Variants in NCKAP5 observed in about 807,000 individuals in gnomAD.
NCKAP5 encodes nck-associated protein 5.
Under a neutral mutation model 167.0 loss-of-function variants are expected in NCKAP5, and 92 were observed. The ratio of observed to expected loss-of-function variants is 0.55; its 90% CI spans 0.47 to 0.66. The LOEUF is 0.66. Among genes scored for constraint, NCKAP5 ranks in the 30% least tolerant of loss-of-function variants. The probability of loss-of-function intolerance (pLI) is 0.00; values close to 1 mark genes in which losing one functional copy is unlikely to be tolerated. For missense variants in NCKAP5, 2,378 were observed against 2,315.0 expected (o/e 1.03, Z -0.56); for synonymous variants, 891 against 877.4 (o/e 1.02, Z -0.27).
At chr2:133,477,584 T>C (rs1263328544) in intron 3 of NCKAP5, among the ~76,000 whole-genome samples, 1 of 152,208 alleles carries the variant, frequency 6.6e-6, no homozygotes. Flanking sequence ...ACACCCATGA[T>C]AGAGTTTAAT....
chr2:133,634,832 A>G, the NCKAP5 span, among the ~76,000 whole-genome samples: 3 of 151,708 alleles, frequency 2.0e-5, no homozygotes, highest in Non-Finnish European at 4.4e-5. Context: ...TGAAATTTGA[A>G]TTTGCTGGAT....
At position 133,455,313 on chromosome 2, in the gene NCKAP5, C is replaced by T. The variant is rs535676373; in HGVS notation, c.69+62145G>A. Among the ~76,000 whole-genome samples the T allele has an allele frequency of 2.4e-3, 368 of 152,156 alleles. 4 individuals carry two copies. The highest frequency in any genetic ancestry group is 8.7e-3 in the African/African-American group (363 of 41,546). ...AGTTTAAGGTCAGCTATTTGGTATGCCTTTATGAATAATAAAATTATGGCT... is the reference window on the plus strand; with the variant it reads ...AGTTTAAGGTCAGCTATTTGGTATGTCTTTATGAATAATAAAATTATGGCT... On this transcript the variant is annotated intron_variant, in intron 3 of 19. Transcript: ENST00000409261.
chr2:132,790,523 A>G (rs1683980557), intron 12 of NCKAP5, among the ~76,000 whole-genome samples: 1 of 152,210 alleles, frequency 6.6e-6, no homozygotes. Context: ...AATGAACATC[A>G]GAATGGTTGT....
chr2:132,734,947 G>C (rs1691366087), intron 16 of NCKAP5, among the ~76,000 whole-genome samples: 1 of 152,232 alleles, frequency 6.6e-6, no homozygotes, highest in African/African-American at 2.4e-5. Flanking sequence ...TTCCAGGCAA[G>C]GTGCCCAGCT....
intron 3 of NCKAP5, among the ~76,000 whole-genome samples, chr2:133,443,619 A>T (rs1027855037): frequency 6.6e-6 from 1 of 152,156 alleles, no homozygotes; most frequent in Non-Finnish European, 1.5e-5. Context: ...CGTCTCCAGC[A>T]TGGATCACCA....
the NCKAP5 span, among the ~76,000 whole-genome samples, chr2:133,637,045 T>C: frequency 7.0e-6 from 1 of 142,314 alleles, no homozygotes; most frequent in Non-Finnish European, 1.5e-5. Context: ...TAAAGTATAC[T>C]TAATAAATAT....
At chr2:133,567,416 T>G (rs1354491393) in intron 1 of NCKAP5, among the ~76,000 whole-genome samples, 5 of 151,652 alleles carry the variant, frequency 3.3e-5, no homozygotes, top group Non-Finnish European at 7.4e-5. Flanking sequence ...CCAGAGAATA[T>G]CTGGAGAGTT....
At chr2:133,153,898 C>T (rs7590295) in intron 5 of NCKAP5, among the ~76,000 whole-genome samples, 17 of 141,180 alleles carry the variant, frequency 1.2e-4, no homozygotes, top group African/African-American at 4.2e-4. Context: ...CGTAACGGCG[C>T]AATCTCAGCT....
At chr2:133,592,104 A>C in the NCKAP5 span, among the ~76,000 whole-genome samples, 2 of 152,088 alleles carry the variant, frequency 1.3e-5, no homozygotes, top group Non-Finnish European at 2.9e-5. Context: ...AACATTTTTC[A>C]TTTGACAATG....
At chr2:133,051,650 T>C (rs1051135628) in intron 6 of NCKAP5, among the ~76,000 whole-genome samples, 1 of 152,140 alleles carries the variant, frequency 6.6e-6, no homozygotes, top group Admixed American at 6.5e-5. Context: ...TTAAAGCCCA[T>C]GAAAAAATAA....
At chr2:132,721,440 G>T (rs1293793114) in intron 19 of NCKAP5, among the ~76,000 whole-genome samples, 2 of 152,120 alleles carry the variant, frequency 1.3e-5, no homozygotes, top group Admixed American at 6.6e-5. Flanking sequence ...CTGCAGGTTG[G>T]GGACCTCTAT....
At chr2:133,037,914 C>A (rs1466672716) in intron 6 of NCKAP5, among the ~76,000 whole-genome samples, 2 of 151,990 alleles carry the variant, frequency 1.3e-5, no homozygotes, top group Non-Finnish European at 2.9e-5. Flanking sequence ...GATTAATAAC[C>A]AGAATATACT....
chr2:133,449,134 AC>A (rs890867352), intron 3 of NCKAP5, among the ~76,000 whole-genome samples: 10 of 152,204 alleles, frequency 6.6e-5, no homozygotes, highest in Admixed American at 1.3e-4. Flanking sequence ...AACTGGGAGT[AC>A]AAAATCAAGG....
intron 8 of NCKAP5, among the ~76,000 whole-genome samples, chr2:132,943,325 G>T (rs1294109482): frequency 6.6e-6 from 1 of 152,190 alleles, no homozygotes; most frequent in African/African-American, 2.4e-5. Flanking sequence ...CTCTTTGATT[G>T]CATATCAATT....
chr2:133,450,143 G>A (rs796368484), intron 3 of NCKAP5, among the ~76,000 whole-genome samples: 11 of 143,760 alleles, frequency 7.7e-5, no homozygotes, highest in South Asian at 2.1e-4. Context: ...ACGCGCGTGC[G>A]TGCGTGCACA....
intron 6 of NCKAP5, among the ~76,000 whole-genome samples, chr2:133,041,537 G>T (rs1009512981): frequency 6.6e-6 from 1 of 152,116 alleles, no homozygotes; most frequent in African/African-American, 2.4e-5. Flanking sequence ...AGAGAAATAT[G>T]TAAAAATATT....
intron 6 of NCKAP5, among the ~76,000 whole-genome samples, chr2:133,098,910 G>A (rs1209785120): frequency 1.3e-5 from 2 of 152,116 alleles, no homozygotes; most frequent in Non-Finnish European, 2.9e-5. Context: ...ATTGTTTCTG[G>A]AAGATGCTTA....
chr2:132,985,031 C>T (rs1040135351), intron 7 of NCKAP5, among the ~76,000 whole-genome samples: 1 of 151,608 alleles, frequency 6.6e-6, no homozygotes, highest in African/African-American at 2.4e-5. Flanking sequence ...AAGGCTGGCT[C>T]TCTGCTGAGA....
chr2:132,958,918 T>C (rs1242575805), intron 8 of NCKAP5, among the ~76,000 whole-genome samples: 1 of 151,774 alleles, frequency 6.6e-6, no homozygotes, highest in African/African-American at 2.4e-5. Flanking sequence ...TATTTATTAT[T>C]TCATTTAAGT....
Sources: allele counts gnomAD v4.1 joint callset (sites outside exome capture counted in the v4.1 genomes callset), GRCh38; gene constraint gnomAD v4.1.1; transcripts MANE v1.5; gene names NCBI Gene and HGNC (gene_info 2026-07-23, HGNC 2026-07-21).